Variants in C14orf132 observed in about 807,000 individuals in gnomAD.
C14orf132 encodes uncharacterized protein C14orf132.
C14orf132 carries 6 observed loss-of-function variants against 5.8 expected under a neutral mutation model. That is an observed-to-expected ratio of 1.03 (90% confidence interval 0.57 to 2.04). C14orf132 has a LOEUF of 2.04. Among genes scored for constraint, C14orf132 ranks in the 30% most tolerant of loss-of-function variants. The probability of loss-of-function intolerance (pLI) is 0.00; values close to 1 mark genes in which losing one functional copy is unlikely to be tolerated. For synonymous variants in C14orf132, 51 were observed against 49.8 expected, an observed-to-expected ratio of 1.02 and a Z score of -0.10; for missense variants, 125 against 115.8, an observed-to-expected ratio of 1.08 and a Z score of -0.37.
chr14:96,067,698 T>TAA (rs751845099), intron 1 of C14orf132, among the ~76,000 whole-genome samples: 4 of 136,074 alleles, frequency 2.9e-5, no homozygotes, highest in Admixed American at 1.5e-4. Flanking sequence ...AAACTCCGCC[T>TAA]AAAAAAAAAA....
At chr14:96,072,612 C>T (rs762171751) in intron 1 of C14orf132, among the ~76,000 whole-genome samples, 1 of 152,202 alleles carries the variant, frequency 6.6e-6, no homozygotes, top group Admixed American at 6.5e-5. Context: ...AAATTTAGAA[C>T]TTTCCATCAC....
At chr14:96,051,043 C>G (rs762523259) in intron 1 of C14orf132, 2 of 396,716 alleles carry the variant, frequency 5.0e-6, no homozygotes, top group Non-Finnish European at 8.9e-6. Flanking sequence ...AGCTATGGGC[C>G]CCTGATCCAG....
In C14orf132 at chr14:96,091,186, G is replaced by A; in HGVS notation, c.*4451G>A. 2.7e-6 allele frequency: 1 copy of A among 375,518 alleles called. No homozygotes were observed. The allele number at this position is 375,518 out of a possible 1,614,324, so 23.3% of individuals were successfully genotyped here. On this transcript the variant is annotated 3_prime_UTR_variant, in exon 2 of 2. Transcript: ENST00000555004. ...AGGCACCCTGCATCATGCCCACCAG[G>A]GTGATCCCCCTGGGATGGACCATCT...
chr14:96,074,988 G>GT (rs1887822827), intron 1 of C14orf132, among the ~76,000 whole-genome samples: 1 of 152,120 alleles, frequency 6.6e-6, no homozygotes, highest in African/African-American at 2.4e-5. Context: ...TGGCATTGAG[G>GT]TTTTACATCA....
intron 1 of C14orf132, among the ~76,000 whole-genome samples, chr14:96,063,790 C>G (rs1887433143): frequency 6.6e-6 from 1 of 152,180 alleles, no homozygotes; most frequent in Non-Finnish European, 1.5e-5. Flanking sequence ...AGACAACCCA[C>G]AGAGTGGGAG....
rs556313796 is a variant in C14orf132 at position 96,091,369 on chromosome 14, C to T, written c.*4634C>T. On this transcript the variant is annotated 3_prime_UTR_variant, in exon 2 of 2. Coordinates refer to ENST00000555004, the MANE Select transcript of C14orf132 (RefSeq NM_001252507.3). Reference sequence around the variant, plus strand: ...CACAGTGATAAGAGGCTTTAGAGAGCATCTAATCGAGACCTTTAATTTTTC... The same window carrying T: ...CACAGTGATAAGAGGCTTTAGAGAGTATCTAATCGAGACCTTTAATTTTTC... 3.4e-5 allele frequency: 8 copies of T among 237,248 alleles called. No individual in the cohort carries two copies. The highest frequency in any genetic ancestry group is 4.2e-5 in the Non-Finnish European group (5 of 120,290). The allele number at this position is 237,248 out of a possible 1,614,324, so 14.7% of individuals were successfully genotyped here.
chr14:96,046,063 T>G, intron 1 of C14orf132, among the ~76,000 whole-genome samples: 1 of 152,232 alleles, frequency 6.6e-6, no homozygotes, highest in East Asian at 1.9e-4. Flanking sequence ...TTGCTCTTCT[T>G]GCATGGTGCT....
intron 1 of C14orf132, among the ~76,000 whole-genome samples, chr14:96,077,702 G>A (rs1362402588): frequency 2.6e-5 from 4 of 152,230 alleles, no homozygotes; most frequent in Non-Finnish European, 2.9e-5. Flanking sequence ...AGTACACTGT[G>A]TCTTGTTAAA....
intron 1 of C14orf132, among the ~76,000 whole-genome samples, chr14:96,062,440 C>T (rs907126301): frequency 2.6e-5 from 4 of 152,142 alleles, no homozygotes; most frequent in East Asian, 3.9e-4. Context: ...AATGGATCTT[C>T]GTGTTTTCCT....
At chr14:96,082,933 G>A (rs1297543152) in intron 1 of C14orf132, among the ~76,000 whole-genome samples, 1 of 152,170 alleles carries the variant, frequency 6.6e-6, no homozygotes, top group East Asian at 1.9e-4. Context: ...ACTCACCCAA[G>A]CTCCACCATA....
intron 1 of C14orf132, among the ~76,000 whole-genome samples, chr14:96,068,180 C>T (rs1368573855): frequency 6.6e-6 from 1 of 152,184 alleles, no homozygotes. Flanking sequence ...GGGCGAACAG[C>T]ACAGAAAGGC....
At position 96,057,602 on chromosome 14, in the gene C14orf132, C is replaced by T. The variant is rs112128557; in HGVS notation, c.27+18075C>T. Among the ~76,000 whole-genome samples the T allele has an allele frequency of 3.5e-3, 533 of 152,254 alleles. 4 individuals are homozygous for T. Among genetic ancestry groups the T allele is most frequent in the African/African-American group, 0.012 (487 of 41,542 alleles). ...AACCCCAGTGGCACACAGGGTGAAC[C>T]GGCCCAGCAGCAGACTCCTTTTTGC... On this transcript the variant is annotated intron_variant, in intron 1 of 1. Coordinates refer to ENST00000555004, the MANE Select transcript of C14orf132 (RefSeq NM_001252507.3).
At position 96,039,668 on chromosome 14, in the gene C14orf132, C is replaced by A. The variant is rs1280678668; in HGVS notation, c.27+141C>A. 2.3e-6 allele frequency: 2 copies of A among 882,664 alleles called. No individual in the cohort carries two copies. Among genetic ancestry groups the A allele is most frequent in the African/African-American group, 1.7e-5 (1 of 57,192 alleles). 54.7% of individuals were successfully genotyped at this position (882,664 alleles called of 1,614,324 possible). On this transcript the variant is annotated intron_variant, in intron 1 of 1. Coordinates refer to ENST00000555004, the MANE Select transcript of C14orf132 (RefSeq NM_001252507.3). This position sits in a 1 kb window ranked among gnomAD's most constrained non-coding sequence, Gnocchi z 5.3. ...CGGTCCTTTGTCCCGAGCCGGACAC[C>A]CCCACTTGGTGCACGCGTCGGGGGC...
intron 1 of C14orf132, among the ~76,000 whole-genome samples, chr14:96,073,094 G>A (rs1308659353): frequency 6.6e-6 from 1 of 152,130 alleles, no homozygotes; most frequent in Admixed American, 6.5e-5. Flanking sequence ...GCTTCCCACA[G>A]CAAGGTACAA....
intron 1 of C14orf132, among the ~76,000 whole-genome samples, chr14:96,073,379 T>C (rs1186208111): frequency 6.6e-6 from 1 of 152,198 alleles, no homozygotes; most frequent in Non-Finnish European, 1.5e-5. Context: ...GCAAAGGACA[T>C]GAACAGACAC....
intron 1 of C14orf132, among the ~76,000 whole-genome samples, chr14:96,060,902 C>T (rs977112439): frequency 6.6e-6 from 1 of 152,208 alleles, no homozygotes; most frequent in Admixed American, 6.5e-5. Context: ...CTGCCCATTT[C>T]CATAGCCCAT....
intron 1 of C14orf132, among the ~76,000 whole-genome samples, chr14:96,078,648 A>C (rs1323939186): frequency 6.6e-6 from 1 of 152,076 alleles, no homozygotes; most frequent in Non-Finnish European, 1.5e-5. Context: ...TGAGACAGGG[A>C]ACAGATCCAG....
chr14:96,059,393 T>C (rs1337209613), intron 1 of C14orf132, among the ~76,000 whole-genome samples: 1 of 152,202 alleles, frequency 6.6e-6, no homozygotes, highest in Non-Finnish European at 1.5e-5. Flanking sequence ...TGACACAGCT[T>C]GACATGTATT....
chr14:96,085,504 G>T (rs923834109), intron 1 of C14orf132, among the ~76,000 whole-genome samples: 4 of 152,176 alleles, frequency 2.6e-5, no homozygotes, highest in Admixed American at 6.5e-5. Context: ...CCTCCCACCT[G>T]AAGTCTGAGC....
Sources: allele counts gnomAD v4.1 joint callset (sites outside exome capture counted in the v4.1 genomes callset), GRCh38; gene constraint gnomAD v4.1.1; non-coding constraint Gnocchi (gnomAD v3.1); transcripts MANE v1.5; gene names NCBI Gene and HGNC (gene_info 2026-07-23, HGNC 2026-07-21).